The following CCSER1 variants were observed in gnomAD, a reference collection of about 807,000 sequenced individuals.
CCSER1 encodes serine-rich coiled-coil domain-containing protein 1.
CCSER1 carries 41 observed loss-of-function variants against 82.0 expected under a neutral mutation model. The observed-to-expected ratio is 0.50, with a 90% CI of 0.39 to 0.65. The LOEUF (loss-of-function observed/expected upper bound fraction) is 0.65. Among genes scored for constraint, CCSER1 ranks in the 30% least tolerant of loss-of-function variants. CCSER1 has a pLI of 0.00. For missense variants in CCSER1, 1,119 were observed against 1,064.2 expected, an observed-to-expected ratio of 1.05 and a Z score of -0.72; for synonymous variants, 414 against 383.9, an observed-to-expected ratio of 1.08 and a Z score of -0.92.
intron 5 of CCSER1, among the ~76,000 whole-genome samples, chr4:90,596,442 T>C (rs1198599227): frequency 3.3e-5 from 5 of 151,884 alleles, no homozygotes; most frequent in Non-Finnish European, 7.4e-5. Context: ...AACAATGATA[T>C]AATTTTTTAA....
At position 90,850,522 on chromosome 4, in the gene CCSER1, G is replaced by T. The variant is rs1257222135; in HGVS notation, c.2094+34677G>T. ...CCCACTTCCTGCACCAGCGTGCCCT[G>T]AATGTGAGACATAGAGTCAAAAGAG... is the stretch of plus-strand genomic sequence containing the variant. On this transcript the variant is annotated intron_variant, in intron 8 of 10. Coordinates refer to ENST00000509176, the MANE Select transcript of CCSER1 (RefSeq NM_001145065.2). Among the ~76,000 whole-genome samples, 4 of 152,320 alleles carry T rather than the reference G, an allele frequency of 2.6e-5. No individual in the cohort carries two copies. The South Asian group carries it at 6.2e-4, about 24-fold the overall frequency.
chr4:91,526,182 A>G (rs1760754554), intron 10 of CCSER1, among the ~76,000 whole-genome samples: 1 of 152,172 alleles, frequency 6.6e-6, no homozygotes, highest in South Asian at 2.1e-4. Flanking sequence ...GAAGCCTGCT[A>G]GCTAAAAGCT....
intron 9 of CCSER1, among the ~76,000 whole-genome samples, chr4:90,960,200 C>T (rs922097255): frequency 2.6e-5 from 4 of 151,894 alleles, no homozygotes; most frequent in Non-Finnish European, 2.9e-5. Flanking sequence ...AAGGATTTTA[C>T]GTAATGCTTT....
intron 10 of CCSER1, among the ~76,000 whole-genome samples, chr4:91,148,814 T>C (rs561507068): frequency 3.3e-5 from 5 of 152,326 alleles, no homozygotes; most frequent in South Asian, 2.1e-4. Flanking sequence ...GGACATGAAC[T>C]CATCCTTTTT....
chr4:90,871,292 A>G (rs1347398492), intron 8 of CCSER1, among the ~76,000 whole-genome samples: 1 of 151,668 alleles, frequency 6.6e-6, no homozygotes, highest in Non-Finnish European at 1.5e-5. Context: ...TTTAAAAAAA[A>G]ATATTTAGGA....
chr4:91,313,384 T>C (rs1242558433), intron 10 of CCSER1, among the ~76,000 whole-genome samples: 2 of 151,974 alleles, frequency 1.3e-5, no homozygotes, highest in Non-Finnish European at 2.9e-5. Context: ...CTATCACTTC[T>C]TTCTAAAGAT....
At chr4:91,572,098 G>A (rs1017417432) in intron 10 of CCSER1, among the ~76,000 whole-genome samples, 1 of 152,048 alleles carries the variant, frequency 6.6e-6, no homozygotes, top group African/African-American at 2.4e-5. Flanking sequence ...GGGTGACTGG[G>A]GACACAGAGC....
At chr4:90,707,545 A>G (rs1270229492) in intron 6 of CCSER1, among the ~76,000 whole-genome samples, 8 of 149,074 alleles carry the variant, frequency 5.4e-5, no homozygotes, top group Non-Finnish European at 8.9e-5. Flanking sequence ...AAAAATATAT[A>G]TATATATATA....
intron 5 of CCSER1, among the ~76,000 whole-genome samples, chr4:90,483,844 A>T (rs1234722405): frequency 6.6e-6 from 1 of 152,074 alleles, no homozygotes; most frequent in Non-Finnish European, 1.5e-5. Context: ...TCTGACAATT[A>T]TGTATCTTGG....
At chr4:90,274,892 A>G (rs551658338) in intron 1 of CCSER1, among the ~76,000 whole-genome samples, 1 of 152,282 alleles carries the variant, frequency 6.6e-6, no homozygotes, top group South Asian at 2.1e-4. Flanking sequence ...TTGGGCTTAC[A>G]CTGTCTTGCT....
chr4:90,516,267 C>T (rs1006161209), intron 5 of CCSER1, among the ~76,000 whole-genome samples: 1 of 151,988 alleles, frequency 6.6e-6, no homozygotes, highest in African/African-American at 2.4e-5. Context: ...GAAAGGGTGC[C>T]CTTATTTTGT....
intron 1 of CCSER1, among the ~76,000 whole-genome samples, chr4:90,185,184 T>C (rs895126478): frequency 6.6e-6 from 1 of 152,062 alleles, no homozygotes; most frequent in Non-Finnish European, 1.5e-5. Context: ...ATCTACAATC[T>C]TTGGTGAGGA....
intron 1 of CCSER1, among the ~76,000 whole-genome samples, chr4:90,290,235 C>A (rs1560957069): frequency 6.6e-6 from 1 of 151,780 alleles, no homozygotes; most frequent in Non-Finnish European, 1.5e-5. Context: ...GAATGCTATA[C>A]TAAGATGTGC....
Position 90,309,229 on chromosome 4 carries a change from C to T in CCSER1, c.945C>T (p.Pro315=), listed in dbSNP as rs768735198. 1 of 1,613,872 alleles carries T rather than the reference C, an allele frequency of 6.2e-7. No homozygotes were observed. Among genetic ancestry groups the T allele is most frequent in the South Asian group, 1.1e-5 (1 of 91,080 alleles). ...CAACAGAACTTACGGGAACTGTTCC[C>T]TGTGCAATTATGTCTCCTGGGAAAT... is the stretch of plus-strand genomic sequence containing the variant. ...KTTTELTGTV[P]CAIMSPGKYR... Residue 315 remains proline, a synonymous_variant, in exon 2 of 11, where the codon CCC becomes CCT. Transcript: ENST00000509176.
intron 3 of CCSER1, among the ~76,000 whole-genome samples, chr4:90,359,760 T>C (rs955121180): frequency 3.9e-4 from 59 of 150,538 alleles, no homozygotes; most frequent in African/African-American, 1.2e-3. Flanking sequence ...ATAAATAAAA[T>C]AAATAAATCA....
At chr4:90,245,087 G>A (rs1022498515) in intron 1 of CCSER1, among the ~76,000 whole-genome samples, 3 of 152,068 alleles carry the variant, frequency 2.0e-5, no homozygotes, top group Non-Finnish European at 4.4e-5. Flanking sequence ...GCATCAAAAC[G>A]ATGCACAACA....
At chr4:90,545,266 G>A (rs892703883) in intron 5 of CCSER1, among the ~76,000 whole-genome samples, 3 of 152,020 alleles carry the variant, frequency 2.0e-5, no homozygotes, top group Non-Finnish European at 2.9e-5. Context: ...TATGTGACTT[G>A]ACCAAATTTA....
chr4:90,673,230 A>T (rs911076484), intron 6 of CCSER1, among the ~76,000 whole-genome samples: 2 of 152,024 alleles, frequency 1.3e-5, no homozygotes, highest in African/African-American at 4.8e-5. Flanking sequence ...ACAATATTCA[A>T]TATTCAACTA....
chr4:91,062,247 T>C (rs1428036523), intron 9 of CCSER1, among the ~76,000 whole-genome samples: 1 of 152,036 alleles, frequency 6.6e-6, no homozygotes, highest in Non-Finnish European at 1.5e-5. Flanking sequence ...AGGGATCAGT[T>C]TGATTCCCTC....
Sources: allele counts gnomAD v4.1 joint callset (sites outside exome capture counted in the v4.1 genomes callset), GRCh38; gene constraint gnomAD v4.1.1; transcripts MANE v1.5; gene names NCBI Gene and HGNC (gene_info 2026-07-23, HGNC 2026-07-21).